The following RRAGC variants were observed in gnomAD, a reference collection of about 807,000 sequenced individuals.
The protein encoded by RRAGC is Ras related GTP binding C.
RRAGC carries 8 observed loss-of-function variants against 37.1 expected under a neutral mutation model. That is an observed-to-expected ratio of 0.22 (90% CI 0.13 to 0.39). The LOEUF is 0.39. Ranked by LOEUF, RRAGC falls within the 10% of genes least tolerant of loss-of-function variation. The pLI, the probability that RRAGC is intolerant of heterozygous loss-of-function variation, is 1.00. For missense variants in RRAGC, 342 were observed against 497.6 expected (o/e 0.69, Z 2.98); for synonymous variants, 190 against 181.1 (o/e 1.05, Z -0.39).
chr1:38,852,413 T>C lies in RRAGC; in HGVS notation c.717A>G (p.Gln239=), dbSNP rs1180554862. The C allele has an allele frequency of 1.9e-6, 3 of 1,608,668 alleles. No homozygotes were observed. The highest frequency in any genetic ancestry group is 2.7e-5 in the African/African-American group (2 of 74,804). ...FSKVVQKLIP[Q]LPTLENLLNI... is the part of the protein sequence containing the mutation. ...TTAATAGGTTTTCCAAGGTCGGCAG[T>C]TGTGGAATGAGTTTCTGCACCACCT... The change falls in exon 4 of 7, where the codon CAA becomes CAG. Residue 239 remains glutamine, a synonymous_variant. Coordinates refer to ENST00000373001, the MANE Select transcript of RRAGC (RefSeq NM_022157.4).
chr1:38,845,210 G>T (rs571706163), intron 6 of RRAGC, among the ~76,000 whole-genome samples: 1 of 152,154 alleles, frequency 6.6e-6, no homozygotes, highest in Admixed American at 6.5e-5. Flanking sequence ...CAATAGCAAA[G>T]ACTCGGAACC....
At chr1:38,840,796 A>G (rs972602494) in intron 6 of RRAGC, among the ~76,000 whole-genome samples, 3 of 152,366 alleles carry the variant, frequency 2.0e-5, no homozygotes, top group African/African-American at 7.2e-5. Context: ...GGTCTGAATA[A>G]GTAGGTTACA....
intron 3 of RRAGC, among the ~76,000 whole-genome samples, chr1:38,855,374 A>G (rs1348217791): frequency 6.6e-6 from 1 of 152,234 alleles, no homozygotes; most frequent in Non-Finnish European, 1.5e-5. Context: ...TCACTGATGC[A>G]AGGCGGGGAA....
intron 6 of RRAGC, among the ~76,000 whole-genome samples, chr1:38,844,018 T>C (rs983044221): frequency 6.6e-6 from 1 of 151,992 alleles, no homozygotes; most frequent in Non-Finnish European, 1.5e-5. Flanking sequence ...ATGATCAGAT[T>C]TGGTGAAAAT....
At chr1:38,859,166 C>A (rs1377940517) in intron 1 of RRAGC, among the ~76,000 whole-genome samples, 3 of 152,256 alleles carry the variant, frequency 2.0e-5, no homozygotes, top group Admixed American at 6.5e-5. Flanking sequence ...GCGGTGCCAC[C>A]GGGCACCTGC....
At chr1:38,851,188 T>C (rs1642097287) in intron 5 of RRAGC, among the ~76,000 whole-genome samples, 1 of 152,252 alleles carries the variant, frequency 6.6e-6, no homozygotes. Context: ...TCTAATTACT[T>C]TCTTTGCTCT....
intron 5 of RRAGC, among the ~76,000 whole-genome samples, chr1:38,849,792 T>C (rs1338352988): frequency 1.3e-5 from 2 of 152,368 alleles, no homozygotes; most frequent in African/African-American, 4.8e-5. Context: ...TTATGAAATT[T>C]TGATTTGTTT....
intron 5 of RRAGC, chr1:38,846,352 T>C (rs781018872): frequency 8.0e-5 from 25 of 310,758 alleles, no homozygotes; most frequent in Middle Eastern, 9.0e-4. Context: ...TATGTATATC[T>C]TAACCAGGGA....
intron 6 of RRAGC, among the ~76,000 whole-genome samples, chr1:38,844,237 T>C (rs1026034449): frequency 3.3e-5 from 5 of 151,962 alleles, no homozygotes; most frequent in East Asian, 1.9e-4. Flanking sequence ...CAACCAATGA[T>C]TGACATGACG....
In RRAGC at chr1:38,839,330, ATTTTTT is replaced by A. The variant is rs201062095; in HGVS notation, c.*217_*222del. Reference sequence around the variant, plus strand: ...ACACTTGAGTTCTGTGGTCTCCAGAATTTTTTTTTTTTTTTTTTGCCATTTTCAAAA... The same window carrying A: ...ACACTTGAGTTCTGTGGTCTCCAGAATTTTTTTTTTTTGCCATTTTCAAAA... On this transcript the variant is annotated 3_prime_UTR_variant, in exon 7 of 7. Coordinates refer to ENST00000373001, the MANE Select transcript of RRAGC (RefSeq NM_022157.4). 1.2e-5 allele frequency: 4 copies of A among 331,550 alleles called. No homozygotes were observed. The highest frequency in any genetic ancestry group is 1.6e-5 in the Non-Finnish European group (3 of 187,660). The allele number at this position is 331,550 out of a possible 1,614,324, so 20.5% of individuals were successfully genotyped here. A position where few individuals can be genotyped will look rare whatever the true frequency, so the allele number is the denominator to read the frequency against.
chr1:38,857,520 G>A (rs1391795135), intron 1 of RRAGC, among the ~76,000 whole-genome samples: 1 of 152,202 alleles, frequency 6.6e-6, no homozygotes, highest in Non-Finnish European at 1.5e-5. Context: ...GAAACAGACT[G>A]GACTCTGCCC....
chr1:38,841,914 A>G (rs1641968414), intron 6 of RRAGC, among the ~76,000 whole-genome samples: 2 of 152,218 alleles, frequency 1.3e-5, no homozygotes, highest in Admixed American at 6.5e-5. Context: ...AGGCAGGCAG[A>G]TCACAAGGTC....
intron 6 of RRAGC, among the ~76,000 whole-genome samples, chr1:38,844,247 G>A (rs1238539951): frequency 3.3e-5 from 5 of 152,022 alleles, no homozygotes; most frequent in Non-Finnish European, 5.9e-5. Context: ...TTGACATGAC[G>A]TTGAAGGTAA....
At position 38,839,348 on chromosome 1, in the gene RRAGC, T is replaced by TTTTC; in HGVS notation, c.*204_*205insGAAA. ...CTCCAGAATTTTTTTTTTTTTTTTT[T>TTTTC]GCCATTTTCAAAAAAGATATAGTAG... On this transcript the variant is annotated 3_prime_UTR_variant, in exon 7 of 7. Coordinates refer to ENST00000373001, the MANE Select transcript of RRAGC (RefSeq NM_022157.4). 1 of 414,072 alleles carries TTTTC rather than the reference T, an allele frequency of 2.4e-6. No homozygotes were observed. The highest frequency in any genetic ancestry group is 4.2e-6 in the Non-Finnish European group (1 of 237,300). 25.6% of individuals were successfully genotyped at this position (414,072 alleles called of 1,614,324 possible). A position where few individuals can be genotyped will look rare whatever the true frequency, so the allele number is the denominator to read the frequency against.
At chr1:38,858,691 G>A (rs1489892466) in intron 1 of RRAGC, among the ~76,000 whole-genome samples, 2 of 152,330 alleles carry the variant, frequency 1.3e-5, no homozygotes, top group South Asian at 2.1e-4. Flanking sequence ...CAGAGCGAGA[G>A]ACTCCGTCTC....
chr1:38,858,432 C>T (rs1476943282), intron 1 of RRAGC, among the ~76,000 whole-genome samples: 2 of 152,202 alleles, frequency 1.3e-5, no homozygotes, highest in African/African-American at 4.8e-5. Flanking sequence ...AGCGTGGTGA[C>T]TCACACCTGT....
chr1:38,838,577 AG>A lies in RRAGC; in HGVS notation c.*975del, dbSNP rs1258724271. ...TTGACACTTGGTGTCAGAATACTAG[AG>A]ACAAAGTATGTAAAACAATGCCTGT... On this transcript the variant is annotated 3_prime_UTR_variant, in exon 7 of 7. Coordinates refer to ENST00000373001, the MANE Select transcript of RRAGC (RefSeq NM_022157.4). 6 of 152,266 alleles carry A rather than the reference AG, an allele frequency of 3.9e-5. No individual in the cohort carries two copies. Among genetic ancestry groups the A allele is most frequent in the Non-Finnish European group, 7.3e-5 (5 of 68,054 alleles). The allele number at this position is 152,266 out of a possible 1,614,324, so 9.4% of individuals were successfully genotyped here.
At chr1:38,853,662 G>A (rs990664643) in intron 3 of RRAGC, among the ~76,000 whole-genome samples, 3 of 151,752 alleles carry the variant, frequency 2.0e-5, no homozygotes, top group Non-Finnish European at 2.9e-5. Flanking sequence ...CAGGAGAATC[G>A]CTTGAACCAG....
At chr1:38,840,497 T>C (rs1313084582) in intron 6 of RRAGC, among the ~76,000 whole-genome samples, 2 of 152,050 alleles carry the variant, frequency 1.3e-5, no homozygotes, top group South Asian at 2.1e-4. Context: ...AAAGCCAAAA[T>C]ACAAGAAACA....
Sources: allele counts gnomAD v4.1 joint callset (sites outside exome capture counted in the v4.1 genomes callset), GRCh38; gene constraint gnomAD v4.1.1; transcripts MANE v1.5; gene names NCBI Gene and HGNC (gene_info 2026-07-23, HGNC 2026-07-21).